Variants in RGS8 observed in about 807,000 individuals in gnomAD.
RGS8 encodes regulator of G-protein signaling 8.
A neutral mutation model predicts 21.7 loss-of-function variants in RGS8; 8 were observed. The ratio of observed to expected loss-of-function variants is 0.37; its 90% CI spans 0.22 to 0.66. The LOEUF is 0.66. Ranked by LOEUF, RGS8 falls within the 30% of genes least tolerant of loss-of-function variation. RGS8 has a pLI of 0.59. For missense variants in RGS8, 157 were observed against 217.9 expected, an observed-to-expected ratio of 0.72 and a Z score of 1.76; for synonymous variants, 80 against 83.6, an observed-to-expected ratio of 0.96 and a Z score of 0.24.
At chr1:182,749,100 A>T in the RGS8 span, among the ~76,000 whole-genome samples, 1 of 152,058 alleles carries the variant, frequency 6.6e-6, no homozygotes, top group Non-Finnish European at 1.5e-5. Context: ...GTTTGATGTA[A>T]TCCCATTTGT....
the RGS8 span, among the ~76,000 whole-genome samples, chr1:182,710,422 C>G: frequency 2.0e-5 from 3 of 152,140 alleles, no homozygotes; most frequent in African/African-American, 7.2e-5. Context: ...GAGCATAACC[C>G]CCTATGGCTC....
chr1:182,661,772 G>A (rs762439754), intron 5 of RGS8, among the ~76,000 whole-genome samples: 1 of 151,970 alleles, frequency 6.6e-6, no homozygotes, highest in Admixed American at 6.6e-5. Context: ...TTGGGTATGA[G>A]CTGCAGAGCA....
the RGS8 span, among the ~76,000 whole-genome samples, chr1:182,703,457 C>A: frequency 6.6e-6 from 1 of 152,206 alleles, no homozygotes; most frequent in Admixed American, 6.5e-5. Context: ...GGTACATTTG[C>A]ATAGACCTCG....
chr1:182,683,980 G>C (rs74962722), intron 1 of RGS8, among the ~76,000 whole-genome samples: 4,815 of 152,322 alleles, frequency 0.032, 108 homozygotes, highest in Admixed American at 0.043. Context: ...TTATCGTCCA[G>C]ATATCAACCT....
intron 5 of RGS8, among the ~76,000 whole-genome samples, chr1:182,657,285 CT>C (rs1260987043): frequency 1.3e-5 from 2 of 152,154 alleles, no homozygotes; most frequent in Admixed American, 1.3e-4. Flanking sequence ...TTCCCTGCCC[CT>C]CTCCCTGTTC....
chr1:182,675,386 T>A (rs1664323881), upstream of RGS8, among the ~76,000 whole-genome samples: 1 of 152,202 alleles, frequency 6.6e-6, no homozygotes, highest in South Asian at 2.1e-4. Context: ...CACAACCTCC[T>A]GCCCTCTCTT....
At chr1:182,734,643 A>G in the RGS8 span, 1 of 152,232 alleles carries the variant, frequency 6.6e-6, no homozygotes, top group Admixed American at 6.5e-5. Flanking sequence ...GACCAAGACA[A>G]TCTTCCTGTA....
the RGS8 span, among the ~76,000 whole-genome samples, chr1:182,751,460 G>A: frequency 5.3e-4 from 80 of 152,242 alleles, no homozygotes; most frequent in African/African-American, 9.1e-4. Context: ...CCCTGCACGC[G>A]TGCCTACGTA....
At chr1:182,659,505 C>A (rs1663477406) in intron 5 of RGS8, among the ~76,000 whole-genome samples, 1 of 152,122 alleles carries the variant, frequency 6.6e-6, no homozygotes, top group South Asian at 2.1e-4. Context: ...TTGAGACTGG[C>A]CTGACCAACA....
chr1:182,708,386 G>A, the RGS8 span, among the ~76,000 whole-genome samples: 3 of 152,310 alleles, frequency 2.0e-5, no homozygotes, highest in East Asian at 5.8e-4. Flanking sequence ...GATGGATGAA[G>A]GTGAGGCAGA....
the RGS8 span, among the ~76,000 whole-genome samples, chr1:182,724,679 T>G: frequency 6.6e-6 from 1 of 152,152 alleles, no homozygotes; most frequent in Non-Finnish European, 1.5e-5. Context: ...TGCCTCAGCC[T>G]TCCGAGTAGC....
At chr1:182,739,924 C>G in the RGS8 span, among the ~76,000 whole-genome samples, 2 of 152,300 alleles carry the variant, frequency 1.3e-5, no homozygotes, top group Admixed American at 1.3e-4. Context: ...CGTCCCTACC[C>G]ATACTGTTTT....
the RGS8 span, among the ~76,000 whole-genome samples, chr1:182,695,405 G>GCACATTT: frequency 1.3e-5 from 2 of 152,294 alleles, no homozygotes; most frequent in Admixed American, 1.3e-4. Context: ...AGCACACTCA[G>GCACATTT]AGCTATTGGA....
chr1:182,652,400 T>A (rs896510437), intron 5 of RGS8, among the ~76,000 whole-genome samples: 3 of 152,208 alleles, frequency 2.0e-5, no homozygotes, highest in Admixed American at 2.0e-4. Context: ...TGGGTCTTTG[T>A]GCGGATGAGT....
upstream of RGS8, among the ~76,000 whole-genome samples, chr1:182,688,354 C>T (rs1329788440): frequency 2.0e-5 from 3 of 150,390 alleles, no homozygotes; most frequent in East Asian, 6.0e-4. Flanking sequence ...TTCTCTCTCG[C>T]TCGCTCTCTC....
the RGS8 span, among the ~76,000 whole-genome samples, chr1:182,712,056 C>A: frequency 3.9e-5 from 6 of 152,264 alleles, no homozygotes; most frequent in East Asian, 1.2e-3. Context: ...CTACAATAAC[C>A]CTGCAAAGTG....
At chr1:182,738,082 G>C in the RGS8 span, among the ~76,000 whole-genome samples, 3 of 152,186 alleles carry the variant, frequency 2.0e-5, no homozygotes, top group Non-Finnish European at 4.4e-5. Flanking sequence ...TTGTTACACA[G>C]TAACAAATAA....
At chr1:182,746,912 T>A in the RGS8 span, among the ~76,000 whole-genome samples, 1 of 152,110 alleles carries the variant, frequency 6.6e-6, no homozygotes, top group East Asian at 1.9e-4. Flanking sequence ...TTGCTTTTGT[T>A]ATTGTTTTTG....
At chr1:182,691,496 G>A in the RGS8 span, among the ~76,000 whole-genome samples, 5 of 149,566 alleles carry the variant, frequency 3.3e-5, no homozygotes, top group African/African-American at 1.2e-4. Context: ...TGTAACATAT[G>A]CAAGTCAATA....
Sources: gnomAD v4.1 joint callset for allele counts (sites outside exome capture counted in the v4.1 genomes callset) on GRCh38, gnomAD v4.1.1 for gene constraint, MANE v1.5 for transcripts, NCBI Gene and HGNC (gene_info 2026-07-23, HGNC 2026-07-21) for gene names.